The following EDIL3 variants were observed in gnomAD, a reference collection of about 807,000 sequenced individuals.
The protein encoded by EDIL3 is EGF like and discoidin domains 3, also known as EGF-like repeat and discoidin I-like domain-containing protein 3.
Under a neutral mutation model 67.4 loss-of-function variants are expected in EDIL3, and 37 were observed. The observed-to-expected ratio is 0.55, with a 90% confidence interval of 0.42 to 0.72. The LOEUF (loss-of-function observed/expected upper bound fraction) is 0.72, where lower values mean the gene tolerates loss of function less well. Ranked by LOEUF, EDIL3 falls within the 30% of genes least tolerant of loss-of-function variation. EDIL3 has a pLI of 0.00. For missense variants in EDIL3, 527 were observed against 586.3 expected, an observed-to-expected ratio of 0.90 and a Z score of 1.04; for synonymous variants, 195 against 196.3, an observed-to-expected ratio of 0.99 and a Z score of 0.05.
At chr5:84,026,851 C>A (rs1043681178) in intron 9 of EDIL3, among the ~76,000 whole-genome samples, 2 of 152,064 alleles carry the variant, frequency 1.3e-5, no homozygotes, top group Non-Finnish European at 2.9e-5. Context: ...TTTGGGAAAC[C>A]AAGGCAGGCT....
intron 3 of EDIL3, among the ~76,000 whole-genome samples, chr5:84,211,098 C>T (rs1180892233): frequency 6.6e-6 from 1 of 152,124 alleles, no homozygotes; most frequent in Non-Finnish European, 1.5e-5. Flanking sequence ...AATTTAAGGA[C>T]TTCTATGGTT....
intron 1 of EDIL3, among the ~76,000 whole-genome samples, chr5:84,303,700 A>G (rs75069226): frequency 0.018 from 2,747 of 152,244 alleles, 81 homozygotes; most frequent in African/African-American, 0.063. Context: ...TGAATTTTCT[A>G]ACAGTACAGA....
chr5:84,261,997 C>G (rs1166017996), intron 1 of EDIL3, among the ~76,000 whole-genome samples: 1 of 152,112 alleles, frequency 6.6e-6, no homozygotes, highest in Non-Finnish European at 1.5e-5. Context: ...CAATCAAGGT[C>G]TACTGGATAA....
intron 4 of EDIL3, among the ~76,000 whole-genome samples, chr5:84,174,492 T>G (rs1748865639): frequency 6.6e-6 from 1 of 152,198 alleles, no homozygotes; most frequent in Admixed American, 6.5e-5. Context: ...TTCCATTGCA[T>G]TAATGATATG....
At chr5:84,284,624 T>G (rs1046421803) in intron 1 of EDIL3, among the ~76,000 whole-genome samples, 2 of 152,196 alleles carry the variant, frequency 1.3e-5, no homozygotes, top group Non-Finnish European at 2.9e-5. Flanking sequence ...TTTCTGTTTT[T>G]GTTGCTTTTG....
At chr5:84,248,437 T>C (rs1744953867) in intron 2 of EDIL3, among the ~76,000 whole-genome samples, 1 of 152,162 alleles carries the variant, frequency 6.6e-6, no homozygotes, top group Non-Finnish European at 1.5e-5. Context: ...GCCTATCACT[T>C]AAATATTGAT....
intron 4 of EDIL3, among the ~76,000 whole-genome samples, chr5:84,162,250 A>T (rs1048736872): frequency 9.9e-5 from 15 of 152,190 alleles, no homozygotes; most frequent in African/African-American, 3.6e-4. Context: ...GTACCCATGG[A>T]TGTCTTGCTC....
intron 1 of EDIL3, among the ~76,000 whole-genome samples, chr5:84,375,974 A>G (rs1183525567): frequency 6.6e-6 from 1 of 152,214 alleles, no homozygotes; most frequent in African/African-American, 2.4e-5. Context: ...ATGGTTAGAC[A>G]TAATGTGTGT....
intron 1 of EDIL3, among the ~76,000 whole-genome samples, chr5:84,383,153 C>G (rs1748123838): frequency 6.6e-6 from 1 of 152,210 alleles, no homozygotes; most frequent in South Asian, 2.1e-4. Context: ...ACTCAGCTTT[C>G]CACTTGAAGC....
intron 1 of EDIL3, among the ~76,000 whole-genome samples, chr5:84,361,617 CTTATT>C (rs1195539068): frequency 4.0e-5 from 6 of 151,090 alleles, no homozygotes; most frequent in Non-Finnish European, 5.9e-5. Flanking sequence ...TCTTACTGTA[CTTATT>C]TTAGTTTGTA....
At chr5:84,351,807 A>G (rs941193451) in intron 1 of EDIL3, among the ~76,000 whole-genome samples, 5 of 152,128 alleles carry the variant, frequency 3.3e-5, no homozygotes, top group African/African-American at 9.7e-5. Context: ...AAAAAACTAA[A>G]AAGCTTCTGC....
intron 9 of EDIL3, among the ~76,000 whole-genome samples, chr5:83,992,471 G>T (rs932067957): frequency 6.6e-6 from 1 of 152,078 alleles, no homozygotes; most frequent in Non-Finnish European, 1.5e-5. Context: ...GTCAATGAAT[G>T]GTTCAAAATA....
At chr5:84,261,696 A>T (rs1336971747) in intron 1 of EDIL3, among the ~76,000 whole-genome samples, 2 of 152,152 alleles carry the variant, frequency 1.3e-5, no homozygotes, top group East Asian at 3.9e-4. Flanking sequence ...AAGACCATCC[A>T]TTTCTCCACC....
intron 3 of EDIL3, among the ~76,000 whole-genome samples, chr5:84,207,898 A>G (rs1580377392): frequency 6.6e-6 from 1 of 152,200 alleles, no homozygotes; most frequent in African/African-American, 2.4e-5. Flanking sequence ...AAATTAATTC[A>G]AGATGGATTA....
chr5:84,036,579 T>A (rs772903304), intron 9 of EDIL3, among the ~76,000 whole-genome samples: 1 of 152,140 alleles, frequency 6.6e-6, no homozygotes, highest in African/African-American at 2.4e-5. Context: ...TAGTACCTTG[T>A]CGCCTCTGCC....
chr5:84,218,306 G>T (rs189377009), intron 3 of EDIL3, among the ~76,000 whole-genome samples: 1 of 152,262 alleles, frequency 6.6e-6, no homozygotes, highest in East Asian at 1.9e-4. Flanking sequence ...TCTAGGCAAC[G>T]CAGTTTAACA....
intron 1 of EDIL3, among the ~76,000 whole-genome samples, chr5:84,301,136 C>T (rs1746151275): frequency 6.6e-6 from 1 of 152,038 alleles, no homozygotes; most frequent in South Asian, 2.1e-4. Context: ...GATGTGGTGG[C>T]TCATGCCTGT....
chr5:84,237,027 T>G (rs770220197), intron 2 of EDIL3, among the ~76,000 whole-genome samples: 1 of 152,098 alleles, frequency 6.6e-6, no homozygotes, highest in Admixed American at 6.6e-5. Flanking sequence ...AGAGAAGCCA[T>G]GAAGCCGAGG....
At position 84,299,696 on chromosome 5, in the gene EDIL3, C is replaced by T. The variant is rs569387548; in HGVS notation, c.68-45484G>A. Reference sequence around the variant, plus strand: ...TTCATATGTACAAAGTTTCATTTTTCTTGGAGTTAGTAATTGCCTTTGTTT... The same window carrying T: ...TTCATATGTACAAAGTTTCATTTTTTTTGGAGTTAGTAATTGCCTTTGTTT... On this transcript the variant is annotated intron_variant, in intron 1 of 10. Transcript: ENST00000296591. Among the ~76,000 whole-genome samples, 13 of 152,200 alleles carry T rather than the reference C, an allele frequency of 8.5e-5. No individual in the cohort carries two copies. In the South Asian group the frequency reaches 2.7e-3, roughly 32 times the overall value.
Sources: allele counts gnomAD v4.1 joint callset (sites outside exome capture counted in the v4.1 genomes callset), GRCh38; gene constraint gnomAD v4.1.1; transcripts MANE v1.5; gene names NCBI Gene and HGNC (gene_info 2026-07-23, HGNC 2026-07-21).